Variants in SNN observed in about 807,000 individuals in gnomAD.
SNN encodes AG8_1.
Under a neutral mutation model 5.3 loss-of-function variants are expected in SNN, and 5 were observed. The observed-to-expected ratio is 0.94, with a 90% CI of 0.49 to 1.97. The LOEUF (loss-of-function observed/expected upper bound fraction) is 1.97, where lower values mean the gene tolerates loss of function less well. SNN is among the 30% of genes most tolerant of loss of function. SNN has a pLI of 0.01. For missense variants in SNN, 127 were observed against 121.6 expected, an observed-to-expected ratio of 1.04 and a Z score of -0.21; for synonymous variants, 67 against 52.1, an observed-to-expected ratio of 1.29 and a Z score of -1.24.
chr16:11,674,120 AG>A (rs1357346706), intron 1 of SNN, among the ~76,000 whole-genome samples: 1 of 152,236 alleles, frequency 6.6e-6, no homozygotes, highest in Non-Finnish European at 1.5e-5. Context: ...AGGACGCAGC[AG>A]GTTCGACCCT....
intron 1 of SNN, among the ~76,000 whole-genome samples, chr16:11,674,779 C>G (rs189603032): frequency 2.0e-5 from 3 of 152,374 alleles, no homozygotes; most frequent in Non-Finnish European, 2.9e-5. Flanking sequence ...TATTCCCCAT[C>G]AGCACCGCCT....
rs767242405 is a variant in SNN, at chr16:11,676,125, C to T, written c.66C>T (p.Ile22=). Residue 22 remains isoleucine, a synonymous_variant, in exon 2 of 2, where the codon ATC becomes ATT. Transcript: ENST00000329565. The part of the protein sequence containing the change: ...VVTVIVILIA[I]AALGALILGC... ...CAGTCATCGTCATCCTCATTGCCATCGCGGCCCTGGGGGCCTTGATCCTGG... is the reference window on the plus strand; with the variant it reads ...CAGTCATCGTCATCCTCATTGCCATTGCGGCCCTGGGGGCCTTGATCCTGG... The T allele has an allele frequency of 1.8e-5, 29 of 1,614,020 alleles. No individual in the cohort carries two copies. Among genetic ancestry groups the T allele is most frequent in the Non-Finnish European group, 2.4e-5 (28 of 1,180,006 alleles).
At chr16:11,669,099 C>A (rs1236477836) in intron 1 of SNN, among the ~76,000 whole-genome samples, 2 of 152,208 alleles carry the variant, frequency 1.3e-5, no homozygotes, top group African/African-American at 4.8e-5. Context: ...GCTACCTCCC[C>A]AGCTGCCGTC....
chr16:11,669,795 G>A (rs1172863349), intron 1 of SNN, among the ~76,000 whole-genome samples: 2 of 152,226 alleles, frequency 1.3e-5, no homozygotes, highest in Admixed American at 6.5e-5. Flanking sequence ...GACTGACCTT[G>A]GGGCAGTCCC....
In SNN at chr16:11,677,929, A is replaced by G. The variant is rs1473005850; in HGVS notation, c.*1603A>G. On this transcript the variant is annotated 3_prime_UTR_variant, in exon 2 of 2. Coordinates refer to ENST00000329565, the MANE Select transcript of SNN (RefSeq NM_003498.6). This position sits in a 1 kb window ranked among gnomAD's most constrained non-coding sequence, Gnocchi z 4.2. Reference sequence around the variant, plus strand: ...CGTTCTGGAACCCCGAGGCGGGAGAAGTAGGGAGCTGTTCGTTTAAGCAGC... The same window carrying G: ...CGTTCTGGAACCCCGAGGCGGGAGAGGTAGGGAGCTGTTCGTTTAAGCAGC... 1 of 167,170 alleles carries G rather than the reference A, an allele frequency of 6.0e-6. No homozygotes were observed. Among genetic ancestry groups the G allele is most frequent in the Non-Finnish European group, 1.5e-5 (1 of 68,158 alleles). 10.4% of individuals were successfully genotyped at this position (167,170 alleles called of 1,614,324 possible).
intron 1 of SNN, among the ~76,000 whole-genome samples, chr16:11,670,102 T>C (rs1321662956): frequency 1.3e-5 from 2 of 152,140 alleles, no homozygotes; most frequent in Non-Finnish European, 2.9e-5. Flanking sequence ...TGTCCAGCAG[T>C]GCCCTCTTCT....
intron 1 of SNN, among the ~76,000 whole-genome samples, chr16:11,674,989 C>A (rs1249469123): frequency 6.6e-6 from 1 of 152,184 alleles, no homozygotes; most frequent in Non-Finnish European, 1.5e-5. Context: ...TTCCCAAGTG[C>A]CTGTCTCCAT....
Position 11,668,963 on chromosome 16 carries a change from G to T in SNN, c.-86+423G>T, listed in dbSNP as rs2141935410. Reference sequence around the variant, plus strand: ...GGTGACGTCCGGCGCCCGTCTCGCGGGTAGGGAAACTGAGGCCGGGCCGCA... The same window carrying T: ...GGTGACGTCCGGCGCCCGTCTCGCGTGTAGGGAAACTGAGGCCGGGCCGCA... On this transcript the variant is annotated intron_variant, in intron 1 of 1. Coordinates refer to ENST00000329565, the MANE Select transcript of SNN (RefSeq NM_003498.6). This position sits in a 1 kb window ranked among gnomAD's most constrained non-coding sequence, Gnocchi z 6.8. Among the ~76,000 whole-genome samples the T allele has an allele frequency of 6.6e-6, 1 of 152,120 alleles. No homozygotes were observed. Among genetic ancestry groups the T allele is most frequent in the Admixed American group, 6.5e-5 (1 of 15,294 alleles).
In SNN at chr16:11,676,116, C is replaced by T. The variant is rs1242054660; in HGVS notation, c.57C>T (p.Leu19=). The T allele has an allele frequency of 1.2e-6, 2 of 1,613,990 alleles. No individual in the cohort carries two copies. Among genetic ancestry groups the T allele is most frequent in the African/African-American group, 2.7e-5 (2 of 74,944 alleles). The change falls in exon 2 of 2, where the codon CTC becomes CTT. Residue 19 remains leucine (L), a synonymous_variant. Coordinates refer to ENST00000329565, the MANE Select transcript of SNN (RefSeq NM_003498.6). ...GCGTGGTCACAGTCATCGTCATCCT[C>T]ATTGCCATCGCGGCCCTGGGGGCCT... ...TTGVVTVIVI[L]IAIAALGALI...
At position 11,676,495 on chromosome 16, in the gene SNN, G is replaced by A; in HGVS notation, c.*169G>A. Reference sequence around the variant, plus strand: ...GATGCCCGGGGACCTGGCTGTCCTGGGCTTCCCCTCGGCCTCCAGGTGAGG... The same window carrying A: ...GATGCCCGGGGACCTGGCTGTCCTGAGCTTCCCCTCGGCCTCCAGGTGAGG... On this transcript the variant is annotated 3_prime_UTR_variant, in exon 2 of 2. Coordinates refer to ENST00000329565, the MANE Select transcript of SNN (RefSeq NM_003498.6). 1.2e-6 allele frequency: 1 copy of A among 846,982 alleles called. No individual in the cohort carries two copies. Among genetic ancestry groups the A allele is most frequent in the Non-Finnish European group, 1.8e-6 (1 of 549,572 alleles). 52.5% of individuals were successfully genotyped at this position (846,982 alleles called of 1,614,324 possible).
Position 11,677,198 on chromosome 16 carries a change from C to G in SNN, c.*872C>G, listed in dbSNP as rs1205797830. ...AGGCTTCGCTGAAATTGCTTTGGTC[C>G]TCATAGAGCCTGTGGTGGCTACTTT... On this transcript the variant is annotated 3_prime_UTR_variant, in exon 2 of 2. Coordinates refer to ENST00000329565, the MANE Select transcript of SNN (RefSeq NM_003498.6). The surrounding 1 kb of genome is among the most constrained non-coding windows in gnomAD (Gnocchi z 4.2). 1 of 167,142 alleles carries G rather than the reference C, an allele frequency of 6.0e-6. No individual in the cohort carries two copies. Among genetic ancestry groups the G allele is most frequent in the African/African-American group, 2.4e-5 (1 of 41,446 alleles). 10.4% of individuals were successfully genotyped at this position (167,142 alleles called of 1,614,324 possible). A position where few individuals can be genotyped will look rare whatever the true frequency, so the allele number is the denominator to read the frequency against.
At position 11,671,956 on chromosome 16, in the gene SNN, G is replaced by T. The variant is rs1039898560; in HGVS notation, c.-86+3416G>T. Among the ~76,000 whole-genome samples, 1 of 152,194 alleles carries T rather than the reference G, an allele frequency of 6.6e-6. No homozygotes were observed. The highest frequency in any genetic ancestry group is 2.1e-4 in the South Asian group (1 of 4,830). On this transcript the variant is annotated intron_variant, in intron 1 of 1. Coordinates refer to ENST00000329565, the MANE Select transcript of SNN (RefSeq NM_003498.6). This position sits in a 1 kb window ranked among gnomAD's most constrained non-coding sequence, Gnocchi z 4.7. ...CTGCCCTAATCCACTGGCACTCGCC[G>T]TTCTGTCCCCACACTAGGCCTGCAG...
At chr16:11,670,931 C>T (rs1020556267) in intron 1 of SNN, among the ~76,000 whole-genome samples, 1 of 152,148 alleles carries the variant, frequency 6.6e-6, no homozygotes, top group African/African-American at 2.4e-5. Context: ...GGTTCACCCC[C>T]GGCTCTGCCC....
intron 1 of SNN, among the ~76,000 whole-genome samples, chr16:11,669,204 G>T (rs1015794497): frequency 5.9e-5 from 9 of 152,162 alleles, no homozygotes; most frequent in African/African-American, 1.9e-4. Context: ...GCGCCGCCGG[G>T]CAGGGTGGAA....
intron 1 of SNN, among the ~76,000 whole-genome samples, chr16:11,669,361 T>C (rs1393858611): frequency 6.6e-6 from 1 of 152,180 alleles, no homozygotes; most frequent in Non-Finnish European, 1.5e-5. Context: ...CACACTGGGG[T>C]TCACCTGTCC....
rs1326940590 is a variant in SNN at position 11,678,214 on chromosome 16, G to A, written c.*1888G>A. 6.2e-6 allele frequency: 1 copy of A among 161,740 alleles called. No homozygotes were observed. The highest frequency in any genetic ancestry group is 1.5e-5 in the Non-Finnish European group (1 of 67,884). 10.0% of individuals were successfully genotyped at this position (161,740 alleles called of 1,614,324 possible). On this transcript the variant is annotated 3_prime_UTR_variant, in exon 2 of 2. Coordinates refer to ENST00000329565, the MANE Select transcript of SNN (RefSeq NM_003498.6). ...CACGTGGTGGGGGCCACTGAAACCAGGCCTAGGAGGGAGAACAAGTTCCAA... is the reference window on the plus strand; with the variant it reads ...CACGTGGTGGGGGCCACTGAAACCAAGCCTAGGAGGGAGAACAAGTTCCAA...
Position 11,677,966 on chromosome 16 carries a change from T to C in SNN, c.*1640T>C, listed in dbSNP as rs551920828. 3.6e-5 allele frequency: 6 copies of C among 167,072 alleles called. No homozygotes were observed. Among genetic ancestry groups the C allele is most frequent in the East Asian group, 1.9e-4 (1 of 5,188 alleles). The allele number at this position is 167,072 out of a possible 1,614,324, so 10.3% of individuals were successfully genotyped here. A position where few individuals can be genotyped will look rare whatever the true frequency, so the allele number is the denominator to read the frequency against. On this transcript the variant is annotated 3_prime_UTR_variant, in exon 2 of 2. Transcript: ENST00000329565. The surrounding 1 kb of genome is among the most constrained non-coding windows in gnomAD (Gnocchi z 4.2). ...TTCGTTTAAGCAGCATACACCTAAA[T>C]TGGGGGTTTAAACATTAAGTAGGAG...
chr16:11,678,918 A>G lies in SNN; in HGVS notation c.*2592A>G. ...ACTGCAGAAGCAACAGTGGGGGCAC[A>G]GGGAGGGAACTCTTGACACTGAGCC... is the stretch of plus-strand genomic sequence containing the variant. On this transcript the variant is annotated 3_prime_UTR_variant, in exon 2 of 2. Coordinates refer to ENST00000329565, the MANE Select transcript of SNN (RefSeq NM_003498.6). 2 of 427,076 alleles carry G rather than the reference A, an allele frequency of 4.7e-6. No homozygotes were observed. The highest frequency in any genetic ancestry group is 5.6e-5 in the South Asian group (2 of 35,804). 26.5% of individuals were successfully genotyped at this position (427,076 alleles called of 1,614,324 possible). A position where few individuals can be genotyped will look rare whatever the true frequency, so the allele number is the denominator to read the frequency against.
At chr16:11,673,261 G>A (rs576758196) in intron 1 of SNN, among the ~76,000 whole-genome samples, 1 of 152,208 alleles carries the variant, frequency 6.6e-6, no homozygotes, top group South Asian at 2.1e-4. Context: ...AAGTGGGGTT[G>A]TGGAACCGGA....
Sources: gnomAD v4.1 joint callset for allele counts (sites outside exome capture counted in the v4.1 genomes callset) on GRCh38, gnomAD v4.1.1 for gene constraint, Gnocchi (gnomAD v3.1) non-coding constraint, MANE v1.5 for transcripts, NCBI Gene and HGNC (gene_info 2026-07-23, HGNC 2026-07-21) for gene names.